VWC2: variants seen among roughly 807,000 people sequenced by gnomAD.
VWC2 encodes the protein brorin.
A neutral mutation model predicts 29.8 loss-of-function variants in VWC2; 14 were observed. The observed-to-expected ratio is 0.47, with a 90% confidence interval of 0.31 to 0.74. The LOEUF (loss-of-function observed/expected upper bound fraction) is 0.74, where lower values mean the gene tolerates loss of function less well. VWC2 is among the 30% of genes least tolerant of loss of function. The pLI is 0.05. For missense variants in VWC2, 457 were observed against 459.8 expected, an observed-to-expected ratio of 0.99 and a Z score of 0.05; for synonymous variants, 213 against 199.0, an observed-to-expected ratio of 1.07 and a Z score of -0.59.
rs1482704260 is a variant in VWC2, at chr7:49,919,461, T to C, written c.*7276T>C. On this transcript the variant is annotated 3_prime_UTR_variant, in exon 4 of 4. Transcript: ENST00000340652. ...TAGTAGCTAGCTAGTGATAAAATTATGAAGTTACCATTGTATGTTCCAATG... is the reference window on the plus strand; with the variant it reads ...TAGTAGCTAGCTAGTGATAAAATTACGAAGTTACCATTGTATGTTCCAATG... 6.6e-6 allele frequency: 1 copy of C among 152,208 alleles called. No homozygotes were observed. Among genetic ancestry groups the C allele is most frequent in the Non-Finnish European group, 1.5e-5 (1 of 68,040 alleles). 9.4% of individuals were successfully genotyped at this position (152,208 alleles called of 1,614,324 possible).
chr7:49,795,423 C>T (rs940344563), intron 2 of VWC2, among the ~76,000 whole-genome samples: 3 of 152,162 alleles, frequency 2.0e-5, no homozygotes, highest in African/African-American at 2.4e-5. Context: ...CCTTGAAGGT[C>T]GCTTTCTGAT....
At chr7:49,902,097 T>C (rs919761872) in intron 3 of VWC2, among the ~76,000 whole-genome samples, 2 of 152,084 alleles carry the variant, frequency 1.3e-5, no homozygotes, top group South Asian at 2.1e-4. Flanking sequence ...GAAGATCACA[T>C]AGGAGAAAGT....
intron 2 of VWC2, among the ~76,000 whole-genome samples, chr7:49,780,899 GT>G (rs1252571470): frequency 5.3e-5 from 8 of 152,044 alleles, no homozygotes; most frequent in Admixed American, 5.2e-4. Flanking sequence ...TTATTTCTAG[GT>G]TTTTATCAAT....
chr7:49,863,469 GT>G (rs1790748670), intron 3 of VWC2, among the ~76,000 whole-genome samples: 1 of 151,794 alleles, frequency 6.6e-6, no homozygotes, highest in South Asian at 2.1e-4. Context: ...ATCTCACTCT[GT>G]CACACAGGCT....
intron 2 of VWC2, 98 bp downstream of exon 2, chr7:49,776,229 C>G (rs1247464157): frequency 1.8e-6 from 2 of 1,125,476 alleles, no homozygotes; most frequent in East Asian, 5.2e-5. Flanking sequence ...GAGGTGCTCT[C>G]TGGTTCTGAG....
rs1204586183 is a variant in VWC2, at chr7:49,773,725, C to T, written c.-492C>T. The T allele has an allele frequency of 6.6e-6, 1 of 152,156 alleles. No homozygotes were observed. The highest frequency in any genetic ancestry group is 1.5e-5 in the Non-Finnish European group (1 of 68,098). 9.4% of individuals were successfully genotyped at this position (152,156 alleles called of 1,614,324 possible). On this transcript the variant is annotated 5_prime_UTR_variant, in exon 1 of 4. It introduces an in-frame stop codon into an upstream open reading frame of the 5' UTR. Transcript: ENST00000340652. ...TTCCCTCCGACGCGCCACGGCTGCC[C>T]AGACATTCCGGCTGCCGGGTCTGGA...
chr7:49,885,840 C>T (rs1255915825), intron 3 of VWC2, among the ~76,000 whole-genome samples: 10 of 152,214 alleles, frequency 6.6e-5, no homozygotes, highest in Non-Finnish European at 1.0e-4. Context: ...AGCAGCTGGC[C>T]GCTGCAGCAT....
intron 3 of VWC2, among the ~76,000 whole-genome samples, chr7:49,820,309 C>T (rs1789237805): frequency 6.6e-6 from 1 of 152,104 alleles, no homozygotes; most frequent in Non-Finnish European, 1.5e-5. Flanking sequence ...CCGTGGCAGC[C>T]CGCAGTCATT....
chr7:49,865,433 C>T (rs141353714), intron 3 of VWC2, among the ~76,000 whole-genome samples: 10 of 152,290 alleles, frequency 6.6e-5, no homozygotes, highest in Non-Finnish European at 1.3e-4. Context: ...AACCGCAAAA[C>T]GTAGTGGCTT....
chr7:49,803,627 G>A (rs1371825221), intron 3 of VWC2, among the ~76,000 whole-genome samples: 2 of 152,164 alleles, frequency 1.3e-5, no homozygotes, highest in Non-Finnish European at 2.9e-5. Flanking sequence ...GTATGCTGTG[G>A]GGACCCCTGG....
At chr7:49,790,452 C>T (rs141376594) in intron 2 of VWC2, among the ~76,000 whole-genome samples, 128 of 152,142 alleles carry the variant, frequency 8.4e-4, no homozygotes, top group African/African-American at 2.9e-3. Context: ...AGTGGAAAGA[C>T]AGAACAGAAA....
chr7:49,790,144 G>C (rs1583628637), intron 2 of VWC2, among the ~76,000 whole-genome samples: 1 of 152,178 alleles, frequency 6.6e-6, no homozygotes. Flanking sequence ...TTTTTCCCCC[G>C]CATAATTGAC....
At chr7:49,807,665 CAA>C (rs1272027071) in intron 3 of VWC2, among the ~76,000 whole-genome samples, 3 of 152,092 alleles carry the variant, frequency 2.0e-5, no homozygotes, top group African/African-American at 7.2e-5. Context: ...AAGGCTAAAA[CAA>C]TAATGCTTTT....
intron 3 of VWC2, among the ~76,000 whole-genome samples, chr7:49,849,832 C>G (rs1481692560): frequency 1.3e-5 from 2 of 152,210 alleles, no homozygotes; most frequent in African/African-American, 4.8e-5. Flanking sequence ...TTCTCAGATT[C>G]TAACCTGCGA....
chr7:49,874,265 T>C (rs1791301615), intron 3 of VWC2, among the ~76,000 whole-genome samples: 1 of 152,182 alleles, frequency 6.6e-6, no homozygotes, highest in Non-Finnish European at 1.5e-5. Flanking sequence ...TCCCATAGAA[T>C]TACAATACTG....
At chr7:49,821,204 T>C (rs1292000248) in intron 3 of VWC2, among the ~76,000 whole-genome samples, 1 of 152,256 alleles carries the variant, frequency 6.6e-6, no homozygotes, top group Non-Finnish European at 1.5e-5. Flanking sequence ...AGGATATTGA[T>C]GAGTGTTTAA....
At chr7:49,842,017 C>T (rs1458769729) in intron 3 of VWC2, among the ~76,000 whole-genome samples, 1 of 152,054 alleles carries the variant, frequency 6.6e-6, no homozygotes, top group Admixed American at 6.6e-5. Flanking sequence ...CAGGTGCTCG[C>T]CACCACGCCC....
chr7:49,875,397 A>AAAAAAAAAAAAAC (rs1791371337), intron 3 of VWC2, among the ~76,000 whole-genome samples: 1 of 140,714 alleles, frequency 7.1e-6, no homozygotes, highest in Non-Finnish European at 1.6e-5. Context: ...AAAAAAAAAA[A>AAAAAAAAAAAAAC]CAGGAATAAA....
chr7:49,892,398 T>A (rs557901807), intron 3 of VWC2, among the ~76,000 whole-genome samples: 2 of 152,268 alleles, frequency 1.3e-5, no homozygotes, highest in African/African-American at 4.8e-5. Context: ...ATGAAATAAG[T>A]AAAGCTACTT....
Sources: allele counts gnomAD v4.1 joint callset (sites outside exome capture counted in the v4.1 genomes callset), GRCh38; gene constraint gnomAD v4.1.1; transcripts MANE v1.5; gene names NCBI Gene and HGNC (gene_info 2026-07-23, HGNC 2026-07-21).